Variants in DCC observed in about 807,000 individuals in gnomAD.
The protein encoded by DCC is DCC netrin 1 receptor, also known as netrin receptor DCC.
A neutral mutation model predicts 172.5 loss-of-function variants in DCC; 58 were observed. That is an observed-to-expected ratio of 0.34 (90% CI 0.27 to 0.42). DCC has a LOEUF of 0.42. DCC is among the 10% of genes least tolerant of loss of function. DCC has a pLI of 1.00. For synonymous variants in DCC, 709 were observed against 644.5 expected (o/e 1.10, Z -1.52); for missense variants, 1,740 against 1,791.0 (o/e 0.97, Z 0.51).
At position 52,873,407 on chromosome 18, in the gene DCC, A is replaced by G. The variant is rs569329511; in HGVS notation, c.413-32637A>G. ...TACAGACATATCAGTCAGTAGATAT[A>G]TACACGAGCTTGCCTATGACATGAA... On this transcript the variant is annotated intron_variant, in intron 2 of 28. Transcript: ENST00000442544. Among the ~76,000 whole-genome samples the G allele has an allele frequency of 2.0e-5, 3 of 152,344 alleles. No homozygotes were observed. In the East Asian group the frequency reaches 5.8e-4, roughly 29 times the overall value.
intron 1 of DCC, among the ~76,000 whole-genome samples, chr18:52,474,717 A>G (rs1052432328): frequency 1.3e-5 from 2 of 152,192 alleles, no homozygotes; most frequent in East Asian, 1.9e-4. Flanking sequence ...TTCCAAGATT[A>G]TAGAACTTGT....
intron 1 of DCC, among the ~76,000 whole-genome samples, chr18:52,544,153 C>G (rs1318600937): frequency 6.6e-6 from 1 of 152,194 alleles, no homozygotes; most frequent in Admixed American, 6.5e-5. Flanking sequence ...GCTTATCCCA[C>G]CCGTGCCTAA....
chr18:52,378,168 T>C (rs540321506), intron 1 of DCC, among the ~76,000 whole-genome samples: 13 of 152,274 alleles, frequency 8.5e-5, no homozygotes, highest in Non-Finnish European at 1.5e-5. Flanking sequence ...GGAGGATAGA[T>C]CTAAGCTACT....
intron 1 of DCC, among the ~76,000 whole-genome samples, chr18:52,354,763 G>T (rs577702802): frequency 6.6e-6 from 1 of 152,188 alleles, no homozygotes; most frequent in East Asian, 1.9e-4. Flanking sequence ...TTCAGTTCAG[G>T]ATATTGTAAA....
intron 23 of DCC, among the ~76,000 whole-genome samples, chr18:53,458,498 C>T (rs759026071): frequency 6.6e-6 from 1 of 152,212 alleles, no homozygotes; most frequent in East Asian, 1.9e-4. Context: ...TCACTTATCA[C>T]ACAGGGAACA....
rs182292725 is a variant in DCC at position 52,629,435 on chromosome 18, C to T, written c.92-122619C>T. Among the ~76,000 whole-genome samples the T allele has an allele frequency of 1.7e-4, 26 of 152,228 alleles. No individual in the cohort carries two copies. In the East Asian group the frequency reaches 4.8e-3, roughly 28 times the overall value. ...TTACTAAGTCTTAGTTAGTTAGAAC[C>T]TTACTCAGATACTGGAGGGTGGATT... On this transcript the variant is annotated intron_variant, in intron 1 of 28. Transcript: ENST00000442544.
At chr18:52,590,369 C>G (rs1283233214) in intron 1 of DCC, among the ~76,000 whole-genome samples, 7 of 151,952 alleles carry the variant, frequency 4.6e-5, no homozygotes, top group Non-Finnish European at 8.8e-5. Flanking sequence ...ATGTTTTTGG[C>G]TACTGAATAT....
Position 53,530,745 on chromosome 18 carries a change from A to C in DCC, c.*92A>C. 1 of 788,560 alleles carries C rather than the reference A, an allele frequency of 1.3e-6. No homozygotes were observed. The highest frequency in any genetic ancestry group is 1.4e-5 in the South Asian group (1 of 73,648). 48.8% of individuals were successfully genotyped at this position (788,560 alleles called of 1,614,324 possible). ...AGCACACCTGTGTCCAAGAACTCTA[A>C]CCAGTGTACAGGTCACCCATCAGGA... On this transcript the variant is annotated 3_prime_UTR_variant, in exon 29 of 29. Transcript: ENST00000442544.
At chr18:53,388,574 T>A (rs896459184) in intron 16 of DCC, among the ~76,000 whole-genome samples, 4 of 152,234 alleles carry the variant, frequency 2.6e-5, no homozygotes, top group African/African-American at 7.2e-5. Context: ...CTGCTGAAAG[T>A]CTCACGTGGC....
In DCC at chr18:52,486,411, T is replaced by G. The variant is rs907798138; in HGVS notation, c.91+145533T>G. 2.6e-5 allele frequency among the ~76,000 whole-genome samples: 4 copies of G among 152,282 alleles called. No individual in the cohort carries two copies. The South Asian group carries it at 8.3e-4, about 32-fold the overall frequency. On this transcript the variant is annotated intron_variant, in intron 1 of 28. Transcript: ENST00000442544. ...GATTCCTGAACAGCTAGACCTGATATACACCTTATAGCCTCCAACTGATTT... is the reference window on the plus strand; with the variant it reads ...GATTCCTGAACAGCTAGACCTGATAGACACCTTATAGCCTCCAACTGATTT...
At chr18:53,269,660 C>T (rs2144703057) in intron 12 of DCC, among the ~76,000 whole-genome samples, 1 of 152,242 alleles carries the variant, frequency 6.6e-6, no homozygotes, top group South Asian at 2.1e-4. Flanking sequence ...GTTGTTTCTC[C>T]TGATAGCTCC....
chr18:52,375,887 A>G (rs1335379398), intron 1 of DCC, among the ~76,000 whole-genome samples: 1 of 152,206 alleles, frequency 6.6e-6, no homozygotes, highest in African/African-American at 2.4e-5. Context: ...CTATCAGGAT[A>G]GCTGTTGGGG....
intron 1 of DCC, among the ~76,000 whole-genome samples, chr18:52,486,178 A>G (rs953900262): frequency 3.3e-5 from 5 of 152,064 alleles, no homozygotes. Context: ...AGTTTAGATC[A>G]CAGTATTTTA....
chr18:52,733,698 G>A (rs1302636116), intron 1 of DCC, among the ~76,000 whole-genome samples: 1 of 151,972 alleles, frequency 6.6e-6, no homozygotes, highest in African/African-American at 2.4e-5. Flanking sequence ...TTCTCGCTAT[G>A]TTACCTAGGG....
intron 1 of DCC, among the ~76,000 whole-genome samples, chr18:52,429,835 T>C (rs1184417165): frequency 1.3e-5 from 2 of 152,142 alleles, no homozygotes; most frequent in Non-Finnish European, 2.9e-5. Flanking sequence ...TGGCTCCTCC[T>C]TTTAAGAAGC....
intron 2 of DCC, among the ~76,000 whole-genome samples, chr18:52,839,730 T>C (rs73469530): frequency 2.0e-4 from 31 of 152,346 alleles, no homozygotes; most frequent in African/African-American, 6.7e-4. Context: ...TCTGTGCTTT[T>C]CTGCAGTGCC....
intron 1 of DCC, among the ~76,000 whole-genome samples, chr18:52,602,111 T>G (rs760832530): frequency 1.2e-4 from 19 of 152,226 alleles, no homozygotes; most frequent in African/African-American, 3.8e-4. Flanking sequence ...ATTCTTCAAA[T>G]GAAAATAGTC....
At chr18:53,012,398 T>A (rs748357380) in intron 5 of DCC, among the ~76,000 whole-genome samples, 1 of 151,988 alleles carries the variant, frequency 6.6e-6, no homozygotes, top group Non-Finnish European at 1.5e-5. Flanking sequence ...CTTAAAAACA[T>A]TCTGAGGGAA....
At chr18:52,818,806 G>T (rs563386564) in intron 2 of DCC, among the ~76,000 whole-genome samples, 35 of 152,208 alleles carry the variant, frequency 2.3e-4, no homozygotes, top group African/African-American at 7.0e-4. Flanking sequence ...AAGAGTAATG[G>T]GCATCAAAGC....
Sources: gnomAD v4.1 joint callset for allele counts (sites outside exome capture counted in the v4.1 genomes callset) on GRCh38, gnomAD v4.1.1 for gene constraint, MANE v1.5 for transcripts, NCBI Gene and HGNC (gene_info 2026-07-23, HGNC 2026-07-21) for gene names.